Variants in PTGIS observed in about 807,000 individuals in gnomAD.
PTGIS encodes prostaglandin I2 synthase.
Under a neutral mutation model 50.3 loss-of-function variants are expected in PTGIS, and 45 were observed. The observed-to-expected ratio is 0.90, with a 90% CI of 0.70 to 1.15. PTGIS has a LOEUF of 1.15. Ranked by LOEUF, PTGIS falls within the 50% of genes most tolerant of loss-of-function variation. PTGIS has a pLI of 0.00. For missense variants in PTGIS, 668 were observed against 661.3 expected (o/e 1.01, Z -0.11); for synonymous variants, 260 against 267.7 (o/e 0.97, Z 0.28).
intron 5 of PTGIS, among the ~76,000 whole-genome samples, chr20:49,536,887 A>G (rs1031102267): frequency 2.6e-5 from 4 of 152,072 alleles, no homozygotes; most frequent in African/African-American, 9.7e-5. Context: ...CACAGAGAAA[A>G]CACACAGATG....
Position 49,547,911 on chromosome 20 carries a change from G to A in PTGIS, c.307C>T (p.Leu103Phe). 2 of 1,614,154 alleles carry A rather than the reference G, an allele frequency of 1.2e-6. No homozygotes were observed. The highest frequency in any genetic ancestry group is 1.7e-6 in the Non-Finnish European group (2 of 1,180,020). The change falls in exon 3 of 10, where the codon CTC (leucine) becomes TTC (phenylalanine). Residue 103 changes from leucine (L) to phenylalanine (F), a missense_variant. Leu to Phe is a conservative substitution (Grantham distance 22). Transcript: ENST00000244043. The stretch of plus-strand genomic sequence containing the variant: ...TGCACATCAAAAATCCTCTCCATGA[G>A]GAAGATGGCATAGGCATGGAAGTCG... ...RLDFHAYAIF[L>F]MERIFDVQLP... is the part of the protein sequence containing the mutation.
At chr20:49,566,747 A>T (rs1203280918) in intron 1 of PTGIS, among the ~76,000 whole-genome samples, 1 of 152,254 alleles carries the variant, frequency 6.6e-6, no homozygotes, top group African/African-American at 2.4e-5. Flanking sequence ...AGTAATTTTT[A>T]AAACATCTGG....
At chr20:49,555,299 CT>C (rs1338008410) in intron 1 of PTGIS, among the ~76,000 whole-genome samples, 2 of 151,770 alleles carry the variant, frequency 1.3e-5, no homozygotes, top group African/African-American at 2.4e-5. Context: ...AGGTTTTTGC[CT>C]TTTTTCTGAA....
At chr20:49,554,635 T>G (rs540439448) in intron 1 of PTGIS, among the ~76,000 whole-genome samples, 7 of 152,124 alleles carry the variant, frequency 4.6e-5, no homozygotes, top group Non-Finnish European at 8.8e-5. Context: ...CCAGGGACTA[T>G]CATGGAAGAG....
At chr20:49,558,467 T>C (rs1350031868) in intron 1 of PTGIS, among the ~76,000 whole-genome samples, 2 of 152,206 alleles carry the variant, frequency 1.3e-5, no homozygotes, top group African/African-American at 4.8e-5. Flanking sequence ...CTGGTGGGAA[T>C]GTAAAATCGT....
At chr20:49,508,199 T>A in intron 9 of PTGIS, 135 bp from the exon 10 acceptor site, 1 of 1,073,990 alleles carries the variant, frequency 9.3e-7, no homozygotes, top group Non-Finnish European at 1.4e-6. Flanking sequence ...AGTGAGGAAG[T>A]AGAAGAAACG....
At chr20:49,534,877 G>A (rs928037643) in intron 5 of PTGIS, among the ~76,000 whole-genome samples, 3 of 152,266 alleles carry the variant, frequency 2.0e-5, no homozygotes, top group East Asian at 1.9e-4. Flanking sequence ...TCAGTGGCAC[G>A]TGCCTGTAGT....
chr20:49,523,344 GAGAGAGAGAGAC>G (rs1032782263), intron 6 of PTGIS, among the ~76,000 whole-genome samples: 1 of 151,746 alleles, frequency 6.6e-6, no homozygotes, highest in African/African-American at 2.4e-5. Context: ...GAGAGCATAA[GAGAGAGAGAGAC>G]AGAGAGAGAG....
chr20:49,555,165 C>A (rs1224917297), intron 1 of PTGIS, among the ~76,000 whole-genome samples: 1 of 151,822 alleles, frequency 6.6e-6, no homozygotes, highest in Non-Finnish European at 1.5e-5. Context: ...CCCAGCTAGT[C>A]GGGAGTCTGA....
chr20:49,540,922 A>G lies in PTGIS; in HGVS notation c.522-1201T>C, dbSNP rs114453618. Reference sequence around the variant, plus strand: ...CCTGTGCAGACAAAGACCAGAGACCAGGATCTCTCAGGAGAGGGGTTTTCC... The same window carrying G: ...CCTGTGCAGACAAAGACCAGAGACCGGGATCTCTCAGGAGAGGGGTTTTCC... On this transcript the variant is annotated intron_variant, in intron 4 of 9. Transcript: ENST00000244043. The surrounding 1 kb of genome is among the most constrained non-coding windows in gnomAD (Gnocchi z 4.8). Among the ~76,000 whole-genome samples the G allele has an allele frequency of 4.9e-3, 748 of 152,324 alleles. 10 individuals are homozygous for G. Among genetic ancestry groups the G allele is most frequent in the African/African-American group, 0.017 (717 of 41,578 alleles).
intron 6 of PTGIS, among the ~76,000 whole-genome samples, chr20:49,522,330 G>C (rs957809102): frequency 6.6e-6 from 1 of 152,014 alleles, no homozygotes. Context: ...ACCCCAGCTA[G>C]AGCAGACCCG....
chr20:49,550,666 G>T (rs12625166), intron 1 of PTGIS, among the ~76,000 whole-genome samples: 8,283 of 152,248 alleles, frequency 0.054, 253 homozygotes, highest in Admixed American at 0.086. Flanking sequence ...AACCAGTAGG[G>T]CTGGGAGCTC....
intron 3 of PTGIS, among the ~76,000 whole-genome samples, chr20:49,547,636 A>AACAAAC (rs1452327413): frequency 2.6e-5 from 4 of 151,802 alleles, no homozygotes; most frequent in African/African-American, 4.8e-5. Context: ...CAAACAAACA[A>AACAAAC]AAAAACCCGC....
intron 4 of PTGIS, among the ~76,000 whole-genome samples, chr20:49,541,755 G>A (rs920008066): frequency 6.6e-6 from 1 of 152,032 alleles, no homozygotes; most frequent in African/African-American, 2.4e-5. Flanking sequence ...AAAATAAAAT[G>A]AAGGAAAAGA....
chr20:49,506,741 G>A lies in PTGIS; in HGVS notation c.*1179C>T, dbSNP rs535620896. The A allele has an allele frequency of 3.3e-5, 5 of 152,338 alleles. No homozygotes were observed. Among genetic ancestry groups the A allele is most frequent in the Non-Finnish European group, 7.3e-5 (5 of 68,052 alleles). 9.4% of individuals were successfully genotyped at this position (152,338 alleles called of 1,614,324 possible). A position where few individuals can be genotyped will look rare whatever the true frequency, so the allele number is the denominator to read the frequency against. ...CAGGCTGGGTTGGACCAATTAGCTG[G>A]TCCCCACCACCTCTTACAATGTCAC... On this transcript the variant is annotated 3_prime_UTR_variant, in exon 10 of 10. Coordinates refer to ENST00000244043, the MANE Select transcript of PTGIS (RefSeq NM_000961.4).
intron 1 of PTGIS, among the ~76,000 whole-genome samples, chr20:49,561,796 C>T (rs1163668367): frequency 6.6e-6 from 1 of 152,176 alleles, no homozygotes; most frequent in African/African-American, 2.4e-5. Flanking sequence ...TTACAGAGCA[C>T]CTGGCACCTA....
intron 9 of PTGIS, 31 bp from the exon 10 acceptor site, chr20:49,508,095 G>A: frequency 6.2e-7 from 1 of 1,612,628 alleles, no homozygotes; most frequent in Admixed American, 1.7e-5. Context: ...AGGTGTGAAG[G>A]AGAGGAGTAG....
rs746782083 is a variant in PTGIS at position 49,550,307 on chromosome 20, C to T, written c.75-118G>A. 3.9e-5 allele frequency: 53 copies of T among 1,345,034 alleles called. No homozygotes were observed. In the Admixed American group the frequency reaches 4.9e-4, roughly 12 times the overall value. The allele number at this position is 1,345,034 out of a possible 1,614,324, so 83.3% of individuals were successfully genotyped here. ...GGGGAGGTAATCTGAATGGAGCACT[C>T]GGGGACTATTGCCTCACCTGCTCCT... On this transcript the variant is annotated intron_variant, in intron 1 of 9. Coordinates refer to ENST00000244043, the MANE Select transcript of PTGIS (RefSeq NM_000961.4).
rs759008136 is a variant in PTGIS, at chr20:49,539,589, G to GTCGA, written c.653_654insTCGA (p.Gly220ProfsTer86). 15 of 1,613,878 alleles carry GTCGA rather than the reference G, an allele frequency of 9.3e-6. No individual in the cohort carries two copies. The highest frequency in any genetic ancestry group is 1.3e-5 in the Non-Finnish European group (15 of 1,179,974). On this transcript the variant is annotated frameshift_variant, in exon 5 of 10. Transcript: ENST00000244043. LOFTEE classifies it high-confidence loss of function. The stretch of plus-strand genomic sequence containing the variant: ...GCTTACCCACTGACAGGGAGCCACG[G>GTCGA]GCCAGTTTGGGGAGCAGCCGGTCGA...
Sources: allele counts gnomAD v4.1 joint callset (sites outside exome capture counted in the v4.1 genomes callset), GRCh38; gene constraint gnomAD v4.1.1; non-coding constraint Gnocchi (gnomAD v3.1); transcripts MANE v1.5; gene names NCBI Gene and HGNC (gene_info 2026-07-23, HGNC 2026-07-21).